The following C12orf50 variants were observed in gnomAD, a reference collection of about 807,000 sequenced individuals.
C12orf50 encodes uncharacterized protein C12orf50.
A neutral mutation model predicts 61.6 loss-of-function variants in C12orf50; 35 were observed. The observed-to-expected ratio is 0.57, with a 90% confidence interval of 0.43 to 0.75. C12orf50 has a LOEUF of 0.75. Among genes scored for constraint, C12orf50 ranks in the 30% least tolerant of loss-of-function variants. The pLI is 0.00. For synonymous variants in C12orf50, 178 were observed against 161.5 expected (o/e 1.10, Z -0.77); for missense variants, 475 against 488.5 (o/e 0.97, Z 0.26).
chr12:88,010,342 T>A (rs949455662), intron 3 of C12orf50, among the ~76,000 whole-genome samples: 2 of 151,200 alleles, frequency 1.3e-5, no homozygotes, highest in African/African-American at 4.8e-5. Context: ...TAGTTGTAAT[T>A]GAGATTATTA....
intron 3 of C12orf50, among the ~76,000 whole-genome samples, chr12:87,999,096 A>T (rs1250680028): frequency 6.6e-6 from 1 of 152,194 alleles, no homozygotes; most frequent in African/African-American, 2.4e-5. Context: ...CCCCTGGCAC[A>T]TGGGGGTGAG....
At chr12:88,018,717 C>T (rs973919532) in intron 3 of C12orf50, among the ~76,000 whole-genome samples, 1 of 152,198 alleles carries the variant, frequency 6.6e-6, no homozygotes, top group Non-Finnish European at 1.5e-5. Flanking sequence ...GGGACCCCAC[C>T]TTTTGCCTCA....
At chr12:87,994,320 A>C (rs971538740) in intron 7 of C12orf50, among the ~76,000 whole-genome samples, 2 of 152,076 alleles carry the variant, frequency 1.3e-5, no homozygotes, top group African/African-American at 4.8e-5. Flanking sequence ...CACATACATA[A>C]CACCTGAATT....
At chr12:88,007,256 ATCT>A (rs1330028984) in intron 3 of C12orf50, among the ~76,000 whole-genome samples, 1 of 152,178 alleles carries the variant, frequency 6.6e-6, no homozygotes, top group East Asian at 1.9e-4. Context: ...ATATTGTGAA[ATCT>A]TCTAATTGAA....
At chr12:88,017,833 G>C (rs762170356) in intron 3 of C12orf50, among the ~76,000 whole-genome samples, 3 of 152,140 alleles carry the variant, frequency 2.0e-5, no homozygotes, top group Non-Finnish European at 4.4e-5. Flanking sequence ...AGAGATTTGT[G>C]GAACTTTGAA....
intron 4 of C12orf50, 77 bp downstream of exon 4, chr12:87,997,958 C>T: frequency 8.4e-7 from 1 of 1,196,612 alleles, no homozygotes; most frequent in Non-Finnish European, 1.2e-6. Flanking sequence ...CATCATAAAC[C>T]TTTACAGTTA....
chr12:88,017,459 T>C (rs1400421836), intron 3 of C12orf50, among the ~76,000 whole-genome samples: 1 of 152,222 alleles, frequency 6.6e-6, no homozygotes, highest in Non-Finnish European at 1.5e-5. Flanking sequence ...GTCTCAAGTA[T>C]GTCTTTATCT....
chr12:87,984,275 A>G (rs565254041), intron 11 of C12orf50: 1 of 152,268 alleles, frequency 6.6e-6, no homozygotes, highest in East Asian at 1.9e-4. Context: ...AGTTCACTGT[A>G]GATTCTGGAT....
At chr12:87,997,660 G>A (rs1592659402) in intron 4 of C12orf50, among the ~76,000 whole-genome samples, 1 of 152,092 alleles carries the variant, frequency 6.6e-6, no homozygotes. Flanking sequence ...AGAACATGTG[G>A]TGTTTGGTTT....
chr12:87,996,910 G>A (rs1451425005), intron 4 of C12orf50, among the ~76,000 whole-genome samples: 2 of 152,202 alleles, frequency 1.3e-5, no homozygotes, highest in African/African-American at 2.4e-5. Context: ...TTGAGATGGT[G>A]TATGTTTATT....
chr12:87,991,716 G>C (rs559954212), intron 7 of C12orf50, among the ~76,000 whole-genome samples: 7 of 152,204 alleles, frequency 4.6e-5, no homozygotes, highest in African/African-American at 1.7e-4. Flanking sequence ...TCACCAGAAA[G>C]GCTAAAGTTA....
chr12:87,987,236 C>G (rs1276405486), intron 9 of C12orf50, among the ~76,000 whole-genome samples: 1 of 152,132 alleles, frequency 6.6e-6, no homozygotes, highest in African/African-American at 2.4e-5. Flanking sequence ...TTCACTGTCT[C>G]CTCCTCAAAC....
intron 3 of C12orf50, among the ~76,000 whole-genome samples, chr12:88,008,084 T>C: frequency 6.6e-6 from 1 of 152,042 alleles, no homozygotes; most frequent in Non-Finnish European, 1.5e-5. Flanking sequence ...TTCTTTTCAG[T>C]TCAGGGGTAC....
rs1435368022 is a variant in C12orf50 at position 88,023,599 on chromosome 12, C to T, written c.133+2889G>A. Reference sequence around the variant, plus strand: ...AGGGGAATCACTTGAACCCAGGAGGCGGAGGTTGTAGTGGGCGGAGATCAC... The same window carrying T: ...AGGGGAATCACTTGAACCCAGGAGGTGGAGGTTGTAGTGGGCGGAGATCAC... On this transcript the variant is annotated intron_variant, in intron 3 of 12. Coordinates refer to ENST00000298699, the MANE Select transcript of C12orf50 (RefSeq NM_152589.3). Among the ~76,000 whole-genome samples the T allele has an allele frequency of 4.8e-5, 7 of 147,004 alleles. No homozygotes were observed. The East Asian group carries it at 6.0e-4, about 13-fold the overall frequency.
At chr12:87,993,356 G>A (rs953033497) in intron 7 of C12orf50, among the ~76,000 whole-genome samples, 2 of 152,128 alleles carry the variant, frequency 1.3e-5, no homozygotes, top group Non-Finnish European at 2.9e-5. Flanking sequence ...AGAACTGCTC[G>A]GGTTAAGTGG....
At chr12:88,000,919 T>C (rs928307220) in intron 3 of C12orf50, among the ~76,000 whole-genome samples, 1 of 151,856 alleles carries the variant, frequency 6.6e-6, no homozygotes, top group Non-Finnish European at 1.5e-5. Context: ...TAATAATTTT[T>C]AGATTTCTAG....
intron 3 of C12orf50, among the ~76,000 whole-genome samples, chr12:88,012,163 C>T (rs1446606394): frequency 1.3e-5 from 2 of 152,172 alleles, no homozygotes; most frequent in South Asian, 2.1e-4. Flanking sequence ...CCAAGGGAGT[C>T]GGAGTCTCTA....
chr12:87,980,329 G>A lies in C12orf50; in HGVS notation c.*2C>T. The A allele has an allele frequency of 6.2e-7, 1 of 1,609,376 alleles. No individual in the cohort carries two copies. Among genetic ancestry groups the A allele is most frequent in the Non-Finnish European group, 8.5e-7 (1 of 1,177,154 alleles). ...CATTTTTCTCTCTCTCAACCTCCAGGTTTACTTGCTCCCATTTCTTCTTGG... is the reference window on the plus strand; with the variant it reads ...CATTTTTCTCTCTCTCAACCTCCAGATTTACTTGCTCCCATTTCTTCTTGG... On this transcript the variant is annotated 3_prime_UTR_variant, in exon 13 of 13. Transcript: ENST00000298699.
Position 87,994,666 on chromosome 12 carries a change from G to A in C12orf50, c.559C>T (p.Pro187Ser). ...GEIKTSLHGK[P>S]KTDIAAFENG... ...TCAAAAGCAGCAATGTCAGTCTTTG[G>A]TTTCCCATGCAATGATGTTTTTATT... The change falls in exon 7 of 13, where the codon CCA (proline) becomes TCA (serine). Residue 187 changes from proline (P) to serine (S), a missense_variant. Pro to Ser is a moderately conservative substitution (Grantham distance 74, BLOSUM62 -1). Transcript: ENST00000298699. The A allele has an allele frequency of 6.2e-7, 1 of 1,612,878 alleles. No homozygotes were observed. Among genetic ancestry groups the A allele is most frequent in the Non-Finnish European group, 8.5e-7 (1 of 1,179,246 alleles).
Sources: gnomAD v4.1 joint callset for allele counts (sites outside exome capture counted in the v4.1 genomes callset) on GRCh38, gnomAD v4.1.1 for gene constraint, MANE v1.5 for transcripts, NCBI Gene and HGNC (gene_info 2026-07-23, HGNC 2026-07-21) for gene names.